Variants in LARGE1 observed in about 807,000 individuals in gnomAD.
The protein encoded by LARGE1 is LARGE xylosyl- and glucuronyltransferase 1, also known as xylosyl- and glucuronyltransferase LARGE1.
In LARGE1, 43 loss-of-function variants were observed where a neutral mutation model predicts 87.6. That is an observed-to-expected ratio of 0.49 (90% CI 0.38 to 0.63). The LOEUF (loss-of-function observed/expected upper bound fraction) is 0.63, where lower values mean the gene tolerates loss of function less well. Ranked by LOEUF, LARGE1 falls within the 30% of genes least tolerant of loss-of-function variation. The pLI, the probability that LARGE1 is intolerant of heterozygous loss-of-function variation, is 0.00. For synonymous variants in LARGE1, 434 were observed against 394.6 expected, an observed-to-expected ratio of 1.10 and a Z score of -1.18; for missense variants, 802 against 1,000.2, an observed-to-expected ratio of 0.80 and a Z score of 2.67.
chr22:33,341,323 A>C (rs148773190), intron 9 of LARGE1, among the ~76,000 whole-genome samples: 2 of 152,038 alleles, frequency 1.3e-5, no homozygotes, highest in African/African-American at 4.8e-5. Flanking sequence ...AGCCTCCAGA[A>C]ACTGAGAAAT....
At chr22:33,117,400 C>T in the LARGE1 span, among the ~76,000 whole-genome samples, 5 of 151,164 alleles carry the variant, frequency 3.3e-5, no homozygotes, top group South Asian at 1.0e-3. Flanking sequence ...TACCTTGAGT[C>T]ATAGATATTG....
At chr22:33,590,434 TCAC>T (rs1333257021) in intron 5 of LARGE1, among the ~76,000 whole-genome samples, 1 of 152,230 alleles carries the variant, frequency 6.6e-6, no homozygotes, top group African/African-American at 2.4e-5. Context: ...TCTTACATCA[TCAC>T]AATTCACCTC....
At chr22:33,691,311 G>C (rs935878805) in intron 2 of LARGE1, among the ~76,000 whole-genome samples, 1 of 152,012 alleles carries the variant, frequency 6.6e-6, no homozygotes, top group African/African-American at 2.4e-5. Context: ...TTACTCGTCA[G>C]GAGAAATGGT....
At chr22:33,516,418 T>A (rs1389446969) in intron 6 of LARGE1, among the ~76,000 whole-genome samples, 1 of 152,202 alleles carries the variant, frequency 6.6e-6, no homozygotes, top group East Asian at 1.9e-4. Context: ...CTTGGTTTAA[T>A]GGCTTGCTAT....
the LARGE1 span, among the ~76,000 whole-genome samples, chr22:33,138,228 G>A: frequency 6.6e-6 from 1 of 152,122 alleles, no homozygotes; most frequent in Admixed American, 6.5e-5. Flanking sequence ...TCATTTTGGA[G>A]CTTTAAGATT....
intron 6 of LARGE1, among the ~76,000 whole-genome samples, chr22:33,437,782 A>G (rs961703907): frequency 6.6e-6 from 1 of 152,220 alleles, no homozygotes; most frequent in African/African-American, 2.4e-5. Flanking sequence ...CAAAAAAAAC[A>G]TAGTTCTTGC....
At chr22:33,593,189 A>G (rs975469868) in intron 5 of LARGE1, among the ~76,000 whole-genome samples, 27 of 149,922 alleles carry the variant, frequency 1.8e-4, no homozygotes, top group African/African-American at 6.2e-4. Flanking sequence ...TTTTGAGACC[A>G]GGTTATGAGA....
chr22:33,489,400 G>A (rs1401976255), intron 6 of LARGE1, among the ~76,000 whole-genome samples: 1 of 152,184 alleles, frequency 6.6e-6, no homozygotes, highest in Non-Finnish European at 1.5e-5. Context: ...GCACTGGGGT[G>A]AGGACAATGA....
chr22:33,752,428 G>A (rs2084353286), intron 2 of LARGE1, among the ~76,000 whole-genome samples: 1 of 152,000 alleles, frequency 6.6e-6, no homozygotes, highest in Non-Finnish European at 1.5e-5. Context: ...TTAAAACCAG[G>A]AAACCTGCAA....
chr22:33,102,634 T>C, the LARGE1 span, among the ~76,000 whole-genome samples: 1 of 152,120 alleles, frequency 6.6e-6, no homozygotes, highest in East Asian at 1.9e-4. Context: ...GGATCACAGG[T>C]GCCTGCCACC....
intron 2 of LARGE1, among the ~76,000 whole-genome samples, chr22:33,653,916 T>C (rs1348432082): frequency 1.1e-4 from 16 of 152,104 alleles, no homozygotes; most frequent in Admixed American, 1.0e-3. Context: ...CGTAAGAACA[T>C]GGAGGAGCAA....
At chr22:33,851,461 A>G (rs534086031) in intron 1 of LARGE1, among the ~76,000 whole-genome samples, 1 of 152,342 alleles carries the variant, frequency 6.6e-6, no homozygotes, top group East Asian at 1.9e-4. Context: ...CAGCTCTCCA[A>G]TTAAACTGTG....
chr22:33,438,068 C>T lies in LARGE1; in HGVS notation c.788-5803G>A, dbSNP rs367935938. Among the ~76,000 whole-genome samples the T allele has an allele frequency of 1.2e-4, 18 of 152,242 alleles. No homozygotes were observed. The East Asian group carries it at 3.3e-3, about 28-fold the overall frequency. ...CCTTCTAGGAGAGAAGTCCCCTCTG[C>T]TACCAGGTGACAGCATGGATGATAC... On this transcript the variant is annotated intron_variant, in intron 6 of 14. Transcript: ENST00000397394.
At chr22:33,379,687 G>T (rs1272146232) in intron 9 of LARGE1, among the ~76,000 whole-genome samples, 1 of 152,168 alleles carries the variant, frequency 6.6e-6, no homozygotes, top group Non-Finnish European at 1.5e-5. Flanking sequence ...ATCATTCTGA[G>T]CAAACAATTG....
At chr22:33,258,588 G>T (rs1232242188) in intron 11 of LARGE1, among the ~76,000 whole-genome samples, 1 of 152,134 alleles carries the variant, frequency 6.6e-6, no homozygotes, top group African/African-American at 2.4e-5. Flanking sequence ...TTACGGTTAA[G>T]GGAACAAATT....
intron 6 of LARGE1, among the ~76,000 whole-genome samples, chr22:33,533,712 G>T (rs550721333): frequency 1.1e-4 from 16 of 152,186 alleles, no homozygotes; most frequent in East Asian, 5.8e-4. Context: ...ATGGTAAACT[G>T]CCCCACTTCA....
At chr22:33,465,151 G>A (rs766456692) in intron 6 of LARGE1, among the ~76,000 whole-genome samples, 3 of 152,278 alleles carry the variant, frequency 2.0e-5, no homozygotes, top group Middle Eastern at 3.4e-3. Context: ...TACATGGCGC[G>A]ACATTGATGC....
intron 1 of LARGE1, among the ~76,000 whole-genome samples, chr22:33,831,748 G>GTA (rs950876650): frequency 8.4e-6 from 1 of 118,860 alleles, no homozygotes; most frequent in African/African-American, 3.8e-5. Flanking sequence ...ACACATGCAT[G>GTA]TACACACACA....
intron 6 of LARGE1, among the ~76,000 whole-genome samples, chr22:33,533,063 T>C (rs1328580619): frequency 1.3e-5 from 2 of 152,150 alleles, no homozygotes; most frequent in African/African-American, 4.8e-5. Context: ...TATATGCATG[T>C]CTACTGCAGG....
Sources: gnomAD v4.1 joint callset for allele counts (sites outside exome capture counted in the v4.1 genomes callset) on GRCh38, gnomAD v4.1.1 for gene constraint, MANE v1.5 for transcripts, NCBI Gene and HGNC (gene_info 2026-07-23, HGNC 2026-07-21) for gene names.